Variants in NCALD observed in about 807,000 individuals in gnomAD.
NCALD encodes the protein neurocalcin-delta.
A neutral mutation model predicts 18.6 loss-of-function variants in NCALD; 10 were observed. That is an observed-to-expected ratio of 0.54 (90% CI 0.33 to 0.91). NCALD has a LOEUF of 0.91. Ranked by LOEUF, NCALD falls within the 40% of genes least tolerant of loss-of-function variation. NCALD has a pLI of 0.03. For synonymous variants in NCALD, 88 were observed against 87.4 expected (o/e 1.01, Z -0.04); for missense variants, 184 against 247.6 (o/e 0.74, Z 1.72).
At chr8:101,750,228 C>G (rs1265331068) in intron 1 of NCALD, 1 of 152,082 alleles carries the variant, frequency 6.6e-6, no homozygotes, top group Non-Finnish European at 1.5e-5. Flanking sequence ...CGGGTCCCCC[C>G]CCCATGACAC....
chr8:101,693,475 C>T (rs1814844286), intron 2 of NCALD: 1 of 152,032 alleles, frequency 6.6e-6, no homozygotes, highest in African/African-American at 2.4e-5. Context: ...CTAGCCGTCT[C>T]CATTGTTTAT....
chr8:101,836,707 C>T (rs1814427147), intron 4 of NCALD, among the ~76,000 whole-genome samples: 2 of 152,158 alleles, frequency 1.3e-5, no homozygotes, highest in South Asian at 4.1e-4. Context: ...AAGACTAGAA[C>T]GATCTTAGTA....
intron 4 of NCALD, among the ~76,000 whole-genome samples, chr8:101,845,989 T>G (rs1448962153): frequency 6.6e-6 from 1 of 152,254 alleles, no homozygotes; most frequent in Admixed American, 6.5e-5. Flanking sequence ...TGCATCCATG[T>G]TGCTGCAAAT....
At chr8:101,861,731 T>C (rs117476125) in intron 4 of NCALD, among the ~76,000 whole-genome samples, 57 of 152,290 alleles carry the variant, frequency 3.7e-4, no homozygotes, top group Admixed American at 7.2e-4. Flanking sequence ...TTCTCTCACA[T>C]GTTATTGCAT....
intron 3 of NCALD, among the ~76,000 whole-genome samples, chr8:101,910,685 T>G (rs895902632): frequency 2.0e-5 from 3 of 152,232 alleles, no homozygotes; most frequent in African/African-American, 7.2e-5. Context: ...ATCTAGTGGT[T>G]GTTCTATTCC....
chr8:101,952,677 C>G (rs1819476041), intron 2 of NCALD, among the ~76,000 whole-genome samples: 1 of 152,170 alleles, frequency 6.6e-6, no homozygotes, highest in African/African-American at 2.4e-5. Flanking sequence ...CCTAACACAC[C>G]CCAGCTAAGG....
At chr8:102,021,046 A>G (rs1042124307) in intron 1 of NCALD, among the ~76,000 whole-genome samples, 4 of 152,096 alleles carry the variant, frequency 2.6e-5, no homozygotes, top group South Asian at 4.2e-4. Flanking sequence ...GACCATCTTA[A>G]GCTCATTTAT....
intron 2 of NCALD, among the ~76,000 whole-genome samples, chr8:102,008,653 T>C (rs866033810): frequency 2.0e-5 from 3 of 152,058 alleles, no homozygotes; most frequent in Admixed American, 6.6e-5. Context: ...CAAACCTTGA[T>C]AAACTCACCC....
At chr8:102,003,599 C>G (rs1019728732) in intron 2 of NCALD, among the ~76,000 whole-genome samples, 1 of 152,154 alleles carries the variant, frequency 6.6e-6, no homozygotes, top group Admixed American at 6.5e-5. Flanking sequence ...AGACCAATAT[C>G]CCTGATGAAC....
chr8:101,998,888 A>G (rs892372207), intron 2 of NCALD, among the ~76,000 whole-genome samples: 1 of 152,172 alleles, frequency 6.6e-6, no homozygotes, highest in African/African-American at 2.4e-5. Context: ...CAAAAGACCT[A>G]TACCTATGAA....
chr8:101,860,749 C>A (rs942373202), intron 4 of NCALD, among the ~76,000 whole-genome samples: 1 of 151,844 alleles, frequency 6.6e-6, no homozygotes, highest in Admixed American at 6.6e-5. Flanking sequence ...GGGAGAGCTG[C>A]GGAATGGGGG....
chr8:101,930,676 A>G (rs973121564), intron 2 of NCALD, among the ~76,000 whole-genome samples: 2 of 152,186 alleles, frequency 1.3e-5, no homozygotes, highest in Admixed American at 6.5e-5. Flanking sequence ...AGCGCACACA[A>G]TGGAAACTGC....
chr8:101,707,626 G>A (rs1815589967), intron 2 of NCALD, among the ~76,000 whole-genome samples: 1 of 152,194 alleles, frequency 6.6e-6, no homozygotes, highest in South Asian at 2.1e-4. Context: ...GTATACTGGG[G>A]TGTTTTTAAG....
At chr8:101,741,861 C>T (rs955190274) in intron 1 of NCALD, among the ~76,000 whole-genome samples, 40 of 143,258 alleles carry the variant, frequency 2.8e-4, no homozygotes, top group African/African-American at 9.7e-4. Context: ...CACTTTAGCC[C>T]AGGAGGTCAA....
At chr8:101,812,209 G>A (rs1431666231) in intron 4 of NCALD, among the ~76,000 whole-genome samples, 2 of 152,110 alleles carry the variant, frequency 1.3e-5, no homozygotes, top group East Asian at 1.9e-4. Context: ...AGGGCACTGG[G>A]TAGAGACTCA....
intron 1 of NCALD, among the ~76,000 whole-genome samples, chr8:102,066,259 C>T (rs1034536539): frequency 6.6e-6 from 1 of 152,256 alleles, no homozygotes; most frequent in African/African-American, 2.4e-5. Flanking sequence ...TCCCTCCTCA[C>T]TCAGTCTTCC....
intron 1 of NCALD, among the ~76,000 whole-genome samples, chr8:102,118,779 A>G (rs1825863229): frequency 6.6e-6 from 1 of 151,916 alleles, no homozygotes; most frequent in Non-Finnish European, 1.5e-5. Flanking sequence ...CGATCATGCC[A>G]TTATCACAGG....
At chr8:102,045,071 C>G (rs1823191848) in intron 1 of NCALD, among the ~76,000 whole-genome samples, 1 of 152,194 alleles carries the variant, frequency 6.6e-6, no homozygotes, top group Non-Finnish European at 1.5e-5. Flanking sequence ...ACCCTCAAAC[C>G]TATTTCTAAA....
intron 2 of NCALD, among the ~76,000 whole-genome samples, chr8:102,016,072 C>T (rs2132083118): frequency 6.6e-6 from 1 of 152,258 alleles, no homozygotes; most frequent in South Asian, 2.1e-4. Flanking sequence ...ACCAAAACAT[C>T]TTCCTAGCCC....
Sources: gnomAD v4.1 joint callset for allele counts (sites outside exome capture counted in the v4.1 genomes callset) on GRCh38, gnomAD v4.1.1 for gene constraint, MANE v1.5 for transcripts, NCBI Gene and HGNC (gene_info 2026-07-23, HGNC 2026-07-21) for gene names.